The following ARHGEF28 variants were observed in gnomAD, a reference collection of about 807,000 sequenced individuals.
ARHGEF28 encodes 190 kDa guanine nucleotide exchange factor.
A neutral mutation model predicts 206.6 loss-of-function variants in ARHGEF28; 152 were observed. The observed-to-expected ratio is 0.74, with a 90% CI of 0.64 to 0.84. The LOEUF (loss-of-function observed/expected upper bound fraction) is 0.84, where lower values mean the gene tolerates loss of function less well. Ranked by LOEUF, ARHGEF28 falls within the 40% of genes least tolerant of loss-of-function variation. The pLI is 0.00. For missense variants in ARHGEF28, 2,028 were observed against 2,073.2 expected (o/e 0.98, Z 0.42); for synonymous variants, 763 against 776.4 (o/e 0.98, Z 0.29).
intron 2 of ARHGEF28, 87 bp from the exon 3 acceptor site, chr5:73,749,750 C>T (rs1751926917): frequency 7.0e-7 from 1 of 1,432,024 alleles, no homozygotes; most frequent in African/African-American, 1.4e-5. Context: ...ACAAATGACA[C>T]TGTTATGGAC....
chr5:73,785,349 T>C (rs976557875), intron 7 of ARHGEF28, among the ~76,000 whole-genome samples: 110 of 152,220 alleles, frequency 7.2e-4, no homozygotes, highest in African/African-American at 2.5e-3. Flanking sequence ...AGAAACCGTC[T>C]GTGAAAGGTA....
intron 9 of ARHGEF28, among the ~76,000 whole-genome samples, chr5:73,830,970 G>A (rs1369105768): frequency 3.3e-5 from 5 of 152,110 alleles, no homozygotes; most frequent in Admixed American, 2.6e-4. Context: ...AGTGAGGATG[G>A]CATTTACTAT....
chr5:73,923,012 C>T, intron 35 of ARHGEF28: 1 of 1,350,642 alleles, frequency 7.4e-7, no homozygotes, highest in African/African-American at 1.5e-5. Context: ...AGGGAAAAAA[C>T]ACAATGAATA....
At chr5:73,801,248 C>T (rs970999442) in intron 9 of ARHGEF28, among the ~76,000 whole-genome samples, 5 of 152,004 alleles carry the variant, frequency 3.3e-5, no homozygotes, top group Non-Finnish European at 7.4e-5. Context: ...AGATCGAGAC[C>T]ATCCTGGCTA....
At position 73,842,172 on chromosome 5, in the gene ARHGEF28, G is replaced by A. The variant is rs192022549; in HGVS notation, c.1427+1412G>A. Among the ~76,000 whole-genome samples the A allele has an allele frequency of 5.5e-4, 83 of 152,186 alleles. 1 individual carries two copies. Among genetic ancestry groups the A allele is most frequent in the African/African-American group, 1.9e-3 (80 of 41,526 alleles). On this transcript the variant is annotated intron_variant, in intron 11 of 35. Transcript: ENST00000513042. ...TATCCTGTTGATCACACTTTCCTTA[G>A]GGAGTAGCTTTTTTTTCCCCCATAT... is the stretch of plus-strand genomic sequence containing the variant.
intron 4 of ARHGEF28, among the ~76,000 whole-genome samples, chr5:73,755,458 A>G (rs990379765): frequency 6.6e-6 from 1 of 152,188 alleles, no homozygotes; most frequent in Non-Finnish European, 1.5e-5. Context: ...CTCTCAGCAC[A>G]GCAGCTTGGT....
intron 35 of ARHGEF28, among the ~76,000 whole-genome samples, chr5:73,921,163 C>G (rs1371138290): frequency 6.6e-6 from 1 of 152,200 alleles, no homozygotes; most frequent in African/African-American, 2.4e-5. Context: ...GCATGGCCTT[C>G]TAGGTATCAG....
chr5:73,841,238 G>A lies in ARHGEF28; in HGVS notation c.1427+478G>A, dbSNP rs558724585. On this transcript the variant is annotated intron_variant, in intron 11 of 35. Coordinates refer to ENST00000513042, the MANE Select transcript of ARHGEF28 (RefSeq NM_001177693.2). Reference sequence around the variant, plus strand: ...ATATATAGTTACACAATAGAATACTGTACAGTAATGAAAATGAATTAGCTA... The same window carrying A: ...ATATATAGTTACACAATAGAATACTATACAGTAATGAAAATGAATTAGCTA... Among the ~76,000 whole-genome samples, 38 of 152,162 alleles carry A rather than the reference G, an allele frequency of 2.5e-4. 1 individual carries two copies. Among genetic ancestry groups the A allele is most frequent in the African/African-American group, 5.8e-4 (24 of 41,508 alleles).
chr5:73,746,994 A>T (rs1486630615), intron 2 of ARHGEF28, among the ~76,000 whole-genome samples: 1 of 152,144 alleles, frequency 6.6e-6, no homozygotes, highest in East Asian at 1.9e-4. Context: ...ATGGGTTTTG[A>T]CTGGAATACA....
rs138217794 is a variant in ARHGEF28, at chr5:73,650,277, CTTTTTT to C, written c.-12+23976_-12+23981del. Among the ~76,000 whole-genome samples the C allele has an allele frequency of 7.0e-3, 661 of 94,028 alleles. 6 individuals carry two copies. The highest frequency in any genetic ancestry group is 0.023 in the South Asian group (62 of 2,690). 61.7% of individuals were successfully genotyped at this position (94,028 alleles called of 152,430 possible). A position where few individuals can be genotyped will look rare whatever the true frequency, so the allele number is the denominator to read the frequency against. ...CACCTGAGAGATGTTTTCTTTCTTT[CTTTTTT>C]TTTTTTTTTTTTTTTTTTTTAGACG... On this transcript the variant is annotated intron_variant, in intron 1 of 35. Coordinates refer to ENST00000513042, the MANE Select transcript of ARHGEF28 (RefSeq NM_001177693.2).
intron 1 of ARHGEF28, among the ~76,000 whole-genome samples, chr5:73,664,291 C>T (rs1745806241): frequency 6.6e-6 from 1 of 152,170 alleles, no homozygotes; most frequent in Non-Finnish European, 1.5e-5. Context: ...GCCTTCTTGT[C>T]CATCTATTTA....
At chr5:73,729,093 T>C (rs1022167380) in intron 2 of ARHGEF28, among the ~76,000 whole-genome samples, 2 of 152,132 alleles carry the variant, frequency 1.3e-5, no homozygotes, top group African/African-American at 2.4e-5. Context: ...GGATTGCCAG[T>C]GTGTGTAGCT....
chr5:73,797,717 C>T (rs2096809277), intron 9 of ARHGEF28, among the ~76,000 whole-genome samples: 1 of 152,146 alleles, frequency 6.6e-6, no homozygotes, highest in African/African-American at 2.4e-5. Context: ...TTATTCTGCC[C>T]AGTCTCTGAG....
intron 2 of ARHGEF28, among the ~76,000 whole-genome samples, chr5:73,741,827 G>T (rs1751453111): frequency 6.6e-6 from 1 of 151,994 alleles, no homozygotes; most frequent in African/African-American, 2.4e-5. Context: ...ATTTCTTTGG[G>T]TAAGTTATTT....
chr5:73,788,382 C>G (rs1754282274), intron 7 of ARHGEF28, among the ~76,000 whole-genome samples: 3 of 151,994 alleles, frequency 2.0e-5, no homozygotes, highest in Non-Finnish European at 4.4e-5. Context: ...GGCACCAATC[C>G]CCTGCACAGT....
At position 73,658,910 on chromosome 5, in the gene ARHGEF28, G is replaced by A. The variant is rs186121896; in HGVS notation, c.-11-25931G>A. 1.9e-3 allele frequency among the ~76,000 whole-genome samples: 282 copies of A among 151,040 alleles called. 3 individuals are homozygous for A. The highest frequency in any genetic ancestry group is 6.6e-3 in the African/African-American group (270 of 41,174). The stretch of plus-strand genomic sequence containing the variant: ...GAAATGAGTTTTTCTTCACAAATGT[G>A]TAATATAAATGTATAGACCACATAC... On this transcript the variant is annotated intron_variant, in intron 1 of 35. Transcript: ENST00000513042.
intron 16 of ARHGEF28, among the ~76,000 whole-genome samples, chr5:73,861,728 T>A (rs899621707): frequency 5.6e-4 from 86 of 152,242 alleles, no homozygotes; most frequent in African/African-American, 2.0e-3. Flanking sequence ...TTTGCACATA[T>A]CATTGTCCAC....
chr5:73,669,753 C>T (rs1746191377), intron 1 of ARHGEF28, among the ~76,000 whole-genome samples: 1 of 152,124 alleles, frequency 6.6e-6, no homozygotes, highest in South Asian at 2.1e-4. Flanking sequence ...AGTGCAGTGG[C>T]ACAGCTAGCT....
intron 33 of ARHGEF28, chr5:73,909,118 T>C: frequency 3.6e-6 from 1 of 281,018 alleles, no homozygotes; most frequent in Non-Finnish European, 6.7e-6. Context: ...CTCGCTTAAC[T>C]ATCACCCAAC....
Sources: allele counts gnomAD v4.1 joint callset (sites outside exome capture counted in the v4.1 genomes callset), GRCh38; gene constraint gnomAD v4.1.1; transcripts MANE v1.5; gene names NCBI Gene and HGNC (gene_info 2026-07-23, HGNC 2026-07-21).